Variants in EBF3 observed in about 807,000 individuals in gnomAD.
EBF3 encodes the protein EBF transcription factor 3, also known as transcription factor COE3.
In EBF3, 18 loss-of-function variants were observed where a neutral mutation model predicts 77.1. The ratio of observed to expected loss-of-function variants is 0.23; its 90% CI spans 0.16 to 0.35. The LOEUF is 0.35. EBF3 is among the 10% of genes least tolerant of loss of function. EBF3 has a pLI of 1.00. For synonymous variants in EBF3, 350 were observed against 343.5 expected (o/e 1.02, Z -0.21); for missense variants, 558 against 860.0 (o/e 0.65, Z 4.39).
intron 6 of EBF3, among the ~76,000 whole-genome samples, chr10:129,937,230 G>A (rs543625827): frequency 6.6e-6 from 1 of 152,318 alleles, no homozygotes; most frequent in African/African-American, 2.4e-5. Flanking sequence ...ACAAGGGAAA[G>A]AGCCTGGGGT....
At chr10:129,896,457 C>T (rs770009396) in intron 6 of EBF3, among the ~76,000 whole-genome samples, 6 of 152,372 alleles carry the variant, frequency 3.9e-5, no homozygotes, top group Admixed American at 6.5e-5. Context: ...CCTGGCGTCG[C>T]CCGCCATTCC....
At chr10:129,884,990 A>C (rs1853471183) in intron 6 of EBF3, among the ~76,000 whole-genome samples, 1 of 152,164 alleles carries the variant, frequency 6.6e-6, no homozygotes, top group Admixed American at 6.5e-5. Context: ...TCTCCTGACA[A>C]ATACCTCACT....
chr10:129,849,138 C>T (rs1239006219), intron 10 of EBF3, among the ~76,000 whole-genome samples: 1 of 152,324 alleles, frequency 6.6e-6, no homozygotes, highest in East Asian at 1.9e-4. Context: ...GCGGCACATG[C>T]GCTGTGTACA....
intron 6 of EBF3, among the ~76,000 whole-genome samples, chr10:129,921,631 G>C (rs2134359996): frequency 6.6e-6 from 1 of 152,304 alleles, no homozygotes; most frequent in Non-Finnish European, 1.5e-5. Context: ...CTGAGTGACA[G>C]GCCTGGCTAC....
At position 129,952,983 on chromosome 10, in the gene EBF3, G is replaced by A. The variant is rs1225138305; in HGVS notation, c.554+4275C>T. ...GTGAGCAGGACTGCCAGCAAAGGTC[G>A]GCTCTCTTTGACCTTTGTGACAGGA... is the stretch of plus-strand genomic sequence containing the variant. On this transcript the variant is annotated intron_variant, in intron 6 of 16. Transcript: ENST00000440978. This position sits in a 1 kb window ranked among gnomAD's most constrained non-coding sequence, Gnocchi z 4.7. Among the ~76,000 whole-genome samples, 2 of 150,762 alleles carry A rather than the reference G, an allele frequency of 1.3e-5. No individual in the cohort carries two copies. Among genetic ancestry groups the A allele is most frequent in the African/African-American group, 4.9e-5 (2 of 40,836 alleles).
At chr10:129,945,276 C>T (rs936603460) in intron 6 of EBF3, among the ~76,000 whole-genome samples, 4 of 152,164 alleles carry the variant, frequency 2.6e-5, no homozygotes, top group African/African-American at 9.6e-5. Flanking sequence ...AAAACCAAAG[C>T]TCTCCCCACA....
At chr10:129,851,905 G>A (rs1227568420) in intron 10 of EBF3, among the ~76,000 whole-genome samples, 1 of 152,200 alleles carries the variant, frequency 6.6e-6, no homozygotes, top group African/African-American at 2.4e-5. Context: ...GAGATAAACT[G>A]TATTAATATC....
intron 6 of EBF3, among the ~76,000 whole-genome samples, chr10:129,932,710 AT>A (rs1857104607): frequency 6.6e-6 from 1 of 152,142 alleles, no homozygotes; most frequent in Non-Finnish European, 1.5e-5. Context: ...ACAAACTAAA[AT>A]GTGGGAAACC....
chr10:129,963,042 CG>C lies in EBF3; in HGVS notation c.292-38del. 1 of 1,613,102 alleles carries C rather than the reference CG, an allele frequency of 6.2e-7. No individual in the cohort carries two copies. The highest frequency in any genetic ancestry group is 8.5e-7 in the Non-Finnish European group (1 of 1,179,188). On this transcript the variant is annotated intron_variant, in intron 2 of 16. Coordinates refer to ENST00000440978, the MANE Select transcript of EBF3 (RefSeq NM_001375380.1). The surrounding 1 kb of genome is among the most constrained non-coding windows in gnomAD (Gnocchi z 7.1). ...GATAAATAATTGCATTTAGTGCGAT[CG>C]GTGTCAGGCGCGGCCACCACGCTCG...
At chr10:129,953,154 A>G (rs1001724426) in intron 6 of EBF3, among the ~76,000 whole-genome samples, 1 of 150,812 alleles carries the variant, frequency 6.6e-6, no homozygotes, top group African/African-American at 2.4e-5. Context: ...CTTAAAACGC[A>G]CATATGAATC....
intron 6 of EBF3, among the ~76,000 whole-genome samples, chr10:129,895,127 A>G (rs1209065043): frequency 6.6e-6 from 1 of 152,204 alleles, no homozygotes; most frequent in Non-Finnish European, 1.5e-5. Context: ...GAGACACTTA[A>G]TTTTGCCGAG....
intron 6 of EBF3, among the ~76,000 whole-genome samples, chr10:129,906,389 G>A (rs139693532): frequency 6.6e-6 from 1 of 152,170 alleles, no homozygotes. Flanking sequence ...ACTATGTATA[G>A]ATCCCATTAA....
Position 129,885,023 on chromosome 10 carries a change from AAATT to A in EBF3, c.555-7178_555-7175del, listed in dbSNP as rs1853473959. 1.3e-5 allele frequency among the ~76,000 whole-genome samples: 2 copies of A among 152,182 alleles called. No homozygotes were observed. Among genetic ancestry groups the A allele is most frequent in the Non-Finnish European group, 2.9e-5 (2 of 68,040 alleles). ...ACTATCGAACATTATTAGGTTTAGA[AAATT>A]AACCCTTCACAGCCTAGAGCCACAC... On this transcript the variant is annotated intron_variant, in intron 6 of 16. Coordinates refer to ENST00000440978, the MANE Select transcript of EBF3 (RefSeq NM_001375380.1). The surrounding 1 kb of genome is among the most constrained non-coding windows in gnomAD (Gnocchi z 4.0).
At chr10:129,933,065 G>C (rs1413362159) in intron 6 of EBF3, among the ~76,000 whole-genome samples, 2 of 151,998 alleles carry the variant, frequency 1.3e-5, no homozygotes, top group African/African-American at 4.8e-5. Flanking sequence ...AGAAAGTGCG[G>C]GCGGCAGTGA....
Position 129,840,400 on chromosome 10 carries a change from A to C in EBF3, c.1604T>G (p.Leu535Arg). 1 of 1,552,686 alleles carries C rather than the reference A, an allele frequency of 6.4e-7. No individual in the cohort carries two copies. The part of the protein sequence containing the change: ...SPTMAASSVT[L>R]PSNCSSTHGI... Reference sequence around the variant, plus strand: ...GTGTGTGCTGCTACAGTTTGAAGGGAGGGTGACCGAAGAGGCTGCCATGGT... The same window carrying C: ...GTGTGTGCTGCTACAGTTTGAAGGGCGGGTGACCGAAGAGGCTGCCATGGT... Residue 535 changes from leucine to arginine, a missense_variant, in exon 15 of 17, where the codon CTC becomes CGC. This residue lies in a region of EBF3 where 284 missense variants were observed against 368.3 expected (regional missense o/e 0.77). Coordinates refer to ENST00000440978, the MANE Select transcript of EBF3 (RefSeq NM_001375380.1).
At position 129,947,057 on chromosome 10, in the gene EBF3, C is replaced by T. The variant is rs1399153363; in HGVS notation, c.554+10201G>A. ...CCTCGGACAGTGGGGACCAGCAGCA[C>T]GTCCAATCCAATCCCCCACTTGTTT... is the stretch of plus-strand genomic sequence containing the variant. On this transcript the variant is annotated intron_variant, in intron 6 of 16. Coordinates refer to ENST00000440978, the MANE Select transcript of EBF3 (RefSeq NM_001375380.1). This position sits in a 1 kb window ranked among gnomAD's most constrained non-coding sequence, Gnocchi z 4.5. Among the ~76,000 whole-genome samples the T allele has an allele frequency of 2.0e-5, 3 of 152,180 alleles. No individual in the cohort carries two copies. Among genetic ancestry groups the T allele is most frequent in the Admixed American group, 1.3e-4 (2 of 15,278 alleles).
intron 10 of EBF3, among the ~76,000 whole-genome samples, chr10:129,866,598 T>C (rs906026799): frequency 3.3e-5 from 5 of 152,180 alleles, no homozygotes; most frequent in Admixed American, 1.3e-4. Flanking sequence ...GGATCTCCTT[T>C]AGGAAGCAGC....
chr10:129,906,811 T>C (rs1325578759), intron 6 of EBF3, among the ~76,000 whole-genome samples: 1 of 152,088 alleles, frequency 6.6e-6, no homozygotes, highest in African/African-American at 2.4e-5. Flanking sequence ...GGTTTCATGT[T>C]CCTCTGTGCA....
At chr10:129,920,474 T>C (rs1467935973) in intron 6 of EBF3, among the ~76,000 whole-genome samples, 4 of 152,182 alleles carry the variant, frequency 2.6e-5, no homozygotes, top group South Asian at 2.1e-4. Context: ...CGGCACAGCA[T>C]ACCTGGAGCG....
Sources: gnomAD v4.1 joint callset for allele counts (sites outside exome capture counted in the v4.1 genomes callset) on GRCh38, gnomAD v4.1.1 for gene constraint, gnomAD v4.1.1 regional missense constraint, Gnocchi (gnomAD v3.1) non-coding constraint, MANE v1.5 for transcripts, NCBI Gene and HGNC (gene_info 2026-07-23, HGNC 2026-07-21) for gene names.